Variants in PATJ observed in about 807,000 individuals in gnomAD.
PATJ encodes the protein PATJ crumbs cell polarity complex component.
PATJ carries 190 observed loss-of-function variants against 224.9 expected under a neutral mutation model. The observed-to-expected ratio is 0.84, with a 90% CI of 0.75 to 0.95. PATJ has a LOEUF of 0.95. PATJ is among the 40% of genes least tolerant of loss of function. The pLI is 0.00. For missense variants in PATJ, 2,121 were observed against 2,270.3 expected, an observed-to-expected ratio of 0.93 and a Z score of 1.34; for synonymous variants, 769 against 820.3, an observed-to-expected ratio of 0.94 and a Z score of 1.07.
At chr1:62,135,282 C>T (rs752456900) in intron 41 of PATJ, among the ~76,000 whole-genome samples, 14 of 151,834 alleles carry the variant, frequency 9.2e-5, no homozygotes, top group Non-Finnish European at 1.3e-4. Context: ...TTTGGGAGGC[C>T]GAGGTGGGGG....
intron 20 of PATJ, among the ~76,000 whole-genome samples, chr1:61,867,147 C>G (rs1665559560): frequency 6.6e-6 from 1 of 152,200 alleles, no homozygotes. Flanking sequence ...CCTTAACCAT[C>G]TGGAAATGCA....
chr1:61,874,910 C>A (rs1430919556), intron 20 of PATJ, among the ~76,000 whole-genome samples: 1 of 152,182 alleles, frequency 6.6e-6, no homozygotes, highest in African/African-American at 2.4e-5. Context: ...ATCCAGGAGG[C>A]TGTGTGTATC....
At chr1:61,926,587 CA>C (rs1675243870) in intron 26 of PATJ, among the ~76,000 whole-genome samples, 1 of 152,026 alleles carries the variant, frequency 6.6e-6, no homozygotes, top group Admixed American at 6.6e-5. Flanking sequence ...ATTAAAGAGA[CA>C]AAGTGATCAC....
intron 34 of PATJ, among the ~76,000 whole-genome samples, chr1:62,113,060 G>A (rs1370787945): frequency 6.6e-6 from 1 of 152,176 alleles, no homozygotes; most frequent in Non-Finnish European, 1.5e-5. Context: ...ATTCATTAAG[G>A]ACTAGCACAC....
chr1:61,755,310 A>G (rs1645576572), intron 1 of PATJ, among the ~76,000 whole-genome samples: 1 of 145,968 alleles, frequency 6.9e-6, no homozygotes, highest in African/African-American at 2.5e-5. Flanking sequence ...CTCTGTCTCA[A>G]AAAAAAAAAA....
chr1:61,969,009 T>G (rs538586605), intron 27 of PATJ, among the ~76,000 whole-genome samples: 46 of 152,348 alleles, frequency 3.0e-4, no homozygotes, highest in African/African-American at 1.1e-3. Context: ...TTATTTCACA[T>G]AGCATAATTT....
chr1:62,143,731 T>C (rs528440081), intron 41 of PATJ, among the ~76,000 whole-genome samples: 190 of 152,240 alleles, frequency 1.2e-3, no homozygotes, highest in Middle Eastern at 6.8e-3. Context: ...ATTACAGGCG[T>C]GAGCCACCAC....
chr1:61,945,505 G>A (rs1571427921), intron 27 of PATJ, among the ~76,000 whole-genome samples: 1 of 152,222 alleles, frequency 6.6e-6, no homozygotes, highest in East Asian at 1.9e-4. Flanking sequence ...ATGGGAAAGG[G>A]ATCAATTCAA....
intron 22 of PATJ, among the ~76,000 whole-genome samples, chr1:61,894,241 C>T (rs1021972402): frequency 8.0e-5 from 12 of 149,106 alleles, no homozygotes; most frequent in South Asian, 4.3e-4. Context: ...GCAACAAGAG[C>T]GAAACTCTAT....
chr1:62,131,446 T>A (rs768764204), intron 41 of PATJ, among the ~76,000 whole-genome samples: 5 of 152,110 alleles, frequency 3.3e-5, no homozygotes, highest in Admixed American at 6.6e-5. Context: ...TTTTCACACA[T>A]GGATATAATT....
chr1:62,127,825 T>C, intron 39 of PATJ, 147 bp from the exon 40 acceptor site: 2 of 680,448 alleles, frequency 2.9e-6, no homozygotes, highest in East Asian at 2.8e-5. Context: ...TAGAGCTGTC[T>C]ACTCCAAAGG....
At chr1:61,777,568 T>C (rs1343413597) in intron 7 of PATJ, among the ~76,000 whole-genome samples, 1 of 151,986 alleles carries the variant, frequency 6.6e-6, no homozygotes. Flanking sequence ...AAGAAAGGCA[T>C]TTCTGATTAG....
At chr1:62,134,517 G>C (rs1034640673) in intron 41 of PATJ, among the ~76,000 whole-genome samples, 10 of 150,346 alleles carry the variant, frequency 6.7e-5, no homozygotes, top group Non-Finnish European at 1.2e-4. Flanking sequence ...AGCTAATTTT[G>C]TATTTTTAGT....
chr1:62,070,893 G>A (rs1357416785), intron 31 of PATJ, among the ~76,000 whole-genome samples: 1 of 152,110 alleles, frequency 6.6e-6, no homozygotes, highest in Non-Finnish European at 1.5e-5. Flanking sequence ...GTAAACCAAT[G>A]GGGAATTAAG....
In PATJ at chr1:61,856,161, C is replaced by T; in HGVS notation, c.2244C>T (p.Thr748=). ...VSVNEYCLDN[T]SLAEAVEILK... ...TCAATGAATACTGTTTGGACAACACCTCACTTGCTGAAGCTGTGGAAATAT... is the reference window on the plus strand; with the variant it reads ...TCAATGAATACTGTTTGGACAACACTTCACTTGCTGAAGCTGTGGAAATAT... The change falls in exon 18 of 44, where the codon ACC becomes ACT. Residue 748 remains threonine, a synonymous_variant. Coordinates refer to ENST00000642238, the MANE Select transcript of PATJ (RefSeq NM_001350145.3). The T allele has an allele frequency of 2.5e-6, 4 of 1,614,166 alleles. No homozygotes were observed. Among genetic ancestry groups the T allele is most frequent in the East Asian group, 2.2e-5 (1 of 44,880 alleles).
chr1:61,932,899 A>AC (rs1676244203), intron 27 of PATJ, among the ~76,000 whole-genome samples: 1 of 151,562 alleles, frequency 6.6e-6, no homozygotes, highest in African/African-American at 2.4e-5. Flanking sequence ...GCTCTGTCCG[A>AC]CCCCCTCAAA....
chr1:61,982,558 A>G (rs915559077), intron 27 of PATJ, among the ~76,000 whole-genome samples: 1 of 152,052 alleles, frequency 6.6e-6, no homozygotes, highest in East Asian at 1.9e-4. Flanking sequence ...TGTTTCTTTC[A>G]TATAAGGAGG....
Position 62,139,770 on chromosome 1 carries a change from T to TC in PATJ, c.5272-8514_5272-8513insC, listed in dbSNP as rs1558225163. 4.2e-4 allele frequency among the ~76,000 whole-genome samples: 63 copies of TC among 151,634 alleles called. No individual in the cohort carries two copies. In the South Asian group the frequency reaches 0.013, roughly 31 times the overall value. ...AAAAGTCATTCTTTTTTTTTTTTCT[T>TC]TTTTTTTGAGACAGGGTCTCACTCT... On this transcript the variant is annotated intron_variant, in intron 41 of 43. Transcript: ENST00000642238.
intron 31 of PATJ, among the ~76,000 whole-genome samples, chr1:62,064,166 C>T (rs922303447): frequency 1.3e-5 from 2 of 152,052 alleles, no homozygotes; most frequent in African/African-American, 2.4e-5. Flanking sequence ...TTTTGAGGTA[C>T]GTTCCTACAA....
Sources: gnomAD v4.1 joint callset for allele counts (sites outside exome capture counted in the v4.1 genomes callset) on GRCh38, gnomAD v4.1.1 for gene constraint, MANE v1.5 for transcripts, NCBI Gene and HGNC (gene_info 2026-07-23, HGNC 2026-07-21) for gene names.